ANXA9: variants seen among roughly 807,000 people sequenced by gnomAD.
ANXA9 encodes annexin 31.
ANXA9 carries 47 observed loss-of-function variants against 51.8 expected under a neutral mutation model. The observed-to-expected ratio is 0.91, with a 90% CI of 0.72 to 1.16. The LOEUF (loss-of-function observed/expected upper bound fraction) is 1.16, where lower values mean the gene tolerates loss of function less well. Ranked by LOEUF, ANXA9 falls within the 50% of genes most tolerant of loss-of-function variation. The pLI, the probability that ANXA9 is intolerant of heterozygous loss-of-function variation, is 0.00. For missense variants in ANXA9, 361 were observed against 424.7 expected, an observed-to-expected ratio of 0.85 and a Z score of 1.32; for synonymous variants, 154 against 168.7, an observed-to-expected ratio of 0.91 and a Z score of 0.68.
At chr1:150,988,973 CT>C (rs35284337) in intron 12 of ANXA9, among the ~76,000 whole-genome samples, 11,413 of 141,342 alleles carry the variant, frequency 0.081, 494 homozygotes, top group African/African-American at 0.13. Flanking sequence ...ATTATCCATA[CT>C]TTTTTTTTTT....
upstream of ANXA9, among the ~76,000 whole-genome samples, chr1:150,979,354 A>C (rs1671378912): frequency 6.6e-6 from 1 of 152,036 alleles, no homozygotes. Context: ...AGGTAGCCAG[A>C]AGAAACTCTG....
chr1:150,978,257 C>T (rs1215340635), upstream of ANXA9, among the ~76,000 whole-genome samples: 1 of 150,544 alleles, frequency 6.6e-6, no homozygotes, highest in African/African-American at 2.4e-5. Context: ...ATGGTGAAAC[C>T]CTGTCTCTAC....
chr1:150,995,006 C>T (rs996588761), intron 13 of ANXA9: 4 of 251,810 alleles, frequency 1.6e-5, no homozygotes, highest in Admixed American at 1.3e-4. Context: ...GCAGGAGAGT[C>T]GCTTGAACCC....
At chr1:150,988,447 A>C in intron 12 of ANXA9, 106 bp downstream of exon 12, 107 of 1,353,530 alleles carry the variant, frequency 7.9e-5, no homozygotes, top group Non-Finnish European at 1.0e-4. Flanking sequence ...TCTAAACCTC[A>C]AGCCGCTCTC....
At chr1:150,989,939 G>A (rs1167968860) in intron 12 of ANXA9, among the ~76,000 whole-genome samples, 1 of 152,132 alleles carries the variant, frequency 6.6e-6, no homozygotes, top group Non-Finnish European at 1.5e-5. Flanking sequence ...AACTATCCCA[G>A]CAGTAGATGA....
chr1:150,979,892 A>T (rs1446808116), upstream of ANXA9, among the ~76,000 whole-genome samples: 1 of 152,210 alleles, frequency 6.6e-6, no homozygotes, highest in East Asian at 1.9e-4. Flanking sequence ...TTCTCACAAC[A>T]ACCTATAACA....
intron 12 of ANXA9, among the ~76,000 whole-genome samples, chr1:150,992,468 G>C (rs925659913): frequency 1.2e-4 from 19 of 152,290 alleles, no homozygotes; most frequent in African/African-American, 4.6e-4. Flanking sequence ...AGAATTGCTT[G>C]AACCTGGGAG....
chr1:150,986,502 G>A (rs890998006), intron 8 of ANXA9, 87 bp downstream of exon 8: 18 of 1,573,322 alleles, frequency 1.1e-5, no homozygotes, highest in Non-Finnish European at 1.5e-5. Context: ...GTCCTGTAAT[G>A]GACAAGAGAG....
In ANXA9 at chr1:150,995,472, T is replaced by TA; in HGVS notation, c.*154dup. 1 of 653,786 alleles carries TA rather than the reference T, an allele frequency of 1.5e-6. No homozygotes were observed. Among genetic ancestry groups the TA allele is most frequent in the South Asian group, 2.3e-5 (1 of 43,564 alleles). 40.5% of individuals were successfully genotyped at this position (653,786 alleles called of 1,614,324 possible). A position where few individuals can be genotyped will look rare whatever the true frequency, so the allele number is the denominator to read the frequency against. On this transcript the variant is annotated 3_prime_UTR_variant, in exon 14 of 14. Transcript: ENST00000368947. The stretch of plus-strand genomic sequence containing the variant: ...CTTGTTGAGGCTGGAACTGTTTCTT[T>TA]AAAATCCCTTAATTTTCCCATCTCA...
chr1:150,991,044 A>C (rs587640850), intron 12 of ANXA9, among the ~76,000 whole-genome samples: 2 of 150,746 alleles, frequency 1.3e-5, no homozygotes, highest in African/African-American at 4.9e-5. Context: ...GCTGGAGGCT[A>C]AGGCAGGAGA....
At chr1:150,984,564 G>A (rs750461135) in intron 6 of ANXA9, 22 bp from the exon 7 acceptor site, 3 of 1,610,968 alleles carry the variant, frequency 1.9e-6, no homozygotes, top group Non-Finnish European at 2.5e-6. Context: ...CAGTCTGAGA[G>A]TAGACTCCCA....
At chr1:150,989,217 C>A (rs1465002644) in intron 12 of ANXA9, among the ~76,000 whole-genome samples, 3 of 151,880 alleles carry the variant, frequency 2.0e-5, no homozygotes, top group Admixed American at 2.0e-4. Flanking sequence ...GACCTCAGGT[C>A]ATCAACCTGT....
upstream of ANXA9, among the ~76,000 whole-genome samples, chr1:150,977,402 G>A (rs587770030): frequency 5.9e-5 from 9 of 152,298 alleles, no homozygotes; most frequent in East Asian, 3.9e-4. Context: ...CATACACACC[G>A]CTTGCCTTGG....
upstream of ANXA9, among the ~76,000 whole-genome samples, chr1:150,980,421 A>G (rs919467683): frequency 3.9e-5 from 6 of 152,076 alleles, no homozygotes; most frequent in Non-Finnish European, 8.8e-5. Context: ...AGTATATTTA[A>G]TGAAATATTT....
chr1:150,987,762 T>C, intron 9 of ANXA9, 110 bp from the exon 10 acceptor site: 1 of 804,828 alleles, frequency 1.2e-6, no homozygotes. Flanking sequence ...CCACCCTCAA[T>C]CCCATTTCCA....
upstream of ANXA9, among the ~76,000 whole-genome samples, chr1:150,978,789 C>G (rs1006993552): frequency 1.3e-5 from 2 of 152,008 alleles, no homozygotes; most frequent in Non-Finnish European, 2.9e-5. Context: ...CATGGTGAAA[C>G]ACTGTCTCTA....
upstream of ANXA9, among the ~76,000 whole-genome samples, chr1:150,978,954 ACT>A (rs1671375036): frequency 6.6e-6 from 1 of 151,494 alleles, no homozygotes. Context: ...ACAGAGTGAG[ACT>A]CTGTCTCAAA....
intron 5 of ANXA9, 72 bp from the exon 6 acceptor site, chr1:150,984,209 C>T (rs1671493468): frequency 1.3e-6 from 2 of 1,552,904 alleles, no homozygotes; most frequent in Admixed American, 3.4e-5. Context: ...CCAAATCTTC[C>T]CAAACCTCCC....
intron 12 of ANXA9, 139 bp from the exon 13 acceptor site, chr1:150,994,438 G>A (rs1314115983): frequency 4.0e-5 from 53 of 1,321,188 alleles, no homozygotes; most frequent in Admixed American, 1.6e-4. Context: ...CTTTTGTCCC[G>A]AGATAATGTA....
Sources: gnomAD v4.1 joint callset for allele counts (sites outside exome capture counted in the v4.1 genomes callset) on GRCh38, gnomAD v4.1.1 for gene constraint, MANE v1.5 for transcripts, NCBI Gene and HGNC (gene_info 2026-07-23, HGNC 2026-07-21) for gene names.